Variants in PTER observed in about 807,000 individuals in gnomAD.
PTER encodes phosphotriesterase related.
A neutral mutation model predicts 29.6 loss-of-function variants in PTER; 38 were observed. That is an observed-to-expected ratio of 1.28 (90% CI 0.99 to 1.68). PTER has a LOEUF of 1.68. Ranked by LOEUF, PTER falls within the 40% of genes most tolerant of loss-of-function variation. The pLI is 0.00. For missense variants in PTER, 482 were observed against 427.8 expected, an observed-to-expected ratio of 1.13 and a Z score of -1.12; for synonymous variants, 172 against 154.5, an observed-to-expected ratio of 1.11 and a Z score of -0.84.
At chr10:16,490,696 C>T (rs1403277155) in intron 3 of PTER, among the ~76,000 whole-genome samples, 1 of 150,414 alleles carries the variant, frequency 6.6e-6, no homozygotes, top group Admixed American at 6.7e-5. Context: ...TTTCTGTGAA[C>T]ATCTAGTCTG....
intron 2 of PTER, among the ~76,000 whole-genome samples, chr10:16,486,121 T>A (rs549325979): frequency 6.6e-6 from 1 of 152,300 alleles, no homozygotes; most frequent in African/African-American, 2.4e-5. Context: ...ATAAATTTCT[T>A]GTTAAATAAT....
At position 16,486,487 on chromosome 10, in the gene PTER, G is replaced by T. The variant is rs1210097897; in HGVS notation, c.568G>T (p.Ala190Ser). 6.2e-7 allele frequency: 1 copy of T among 1,614,044 alleles called. No homozygotes were observed. The highest frequency in any genetic ancestry group is 1.1e-5 in the South Asian group (1 of 91,082). Reference sequence around the variant, plus strand: ...AAAGGTTCTCCAGGCCACAGCTCATGCCCAGGCTCAGCTTGGTTGTCCTGT... The same window carrying T: ...AAAGGTTCTCCAGGCCACAGCTCATTCCCAGGCTCAGCTTGGTTGTCCTGT... ...ERKVLQATAHAQAQLGCPVII... is the reference protein window; with the variant it reads ...ERKVLQATAHSQAQLGCPVII... The change falls in exon 3 of 5, where the codon GCC becomes TCC. Residue 190 changes from alanine (A) to serine (S), a missense_variant. Coordinates refer to ENST00000535784, the MANE Select transcript of PTER (RefSeq NM_001261836.2).
At chr10:16,475,674 T>C (rs1564396555) in intron 1 of PTER, among the ~76,000 whole-genome samples, 3 of 152,180 alleles carry the variant, frequency 2.0e-5, no homozygotes, top group Admixed American at 2.0e-4. Flanking sequence ...TAACCCACTG[T>C]AGGAAGCACA....
At chr10:16,474,962 T>C (rs941923276) in intron 1 of PTER, among the ~76,000 whole-genome samples, 3 of 152,156 alleles carry the variant, frequency 2.0e-5, no homozygotes, top group Non-Finnish European at 2.9e-5. Context: ...CCTGGCAGAT[T>C]TGGTGTCTGG....
rs192156844 is a variant in PTER, at chr10:16,471,451, A to G, written c.-48-12886A>G. On this transcript the variant is annotated intron_variant, in intron 1 of 4. Coordinates refer to ENST00000535784, the MANE Select transcript of PTER (RefSeq NM_001261836.2). ...AACATTAAAAACTGGAAAATACATTAAATTGTAATGAAGGAAAAAAAATGG... is the reference window on the plus strand; with the variant it reads ...AACATTAAAAACTGGAAAATACATTGAATTGTAATGAAGGAAAAAAAATGG... Among the ~76,000 whole-genome samples the G allele has an allele frequency of 7.9e-5, 12 of 151,798 alleles. No individual in the cohort carries two copies. In the East Asian group the frequency reaches 2.1e-3, roughly 27 times the overall value.
chr10:16,517,965 C>T (rs1371237770), downstream of PTER, among the ~76,000 whole-genome samples: 3 of 152,134 alleles, frequency 2.0e-5, no homozygotes, highest in African/African-American at 7.2e-5. Context: ...TGGTTACAGT[C>T]CAGAAGCATT....
chr10:16,506,030 G>A (rs1836547594), intron 4 of PTER, among the ~76,000 whole-genome samples: 1 of 152,088 alleles, frequency 6.6e-6, no homozygotes, highest in African/African-American at 2.4e-5. Flanking sequence ...TTTTCAAAGT[G>A]ATAACATGAG....
chr10:16,444,838 GT>G (rs1016093262), intron 1 of PTER, among the ~76,000 whole-genome samples: 8 of 151,968 alleles, frequency 5.3e-5, no homozygotes, highest in African/African-American at 1.7e-4. Context: ...GAATAATAGG[GT>G]TTTTTTTAAT....
chr10:16,470,525 T>C (rs1040115044), intron 1 of PTER, among the ~76,000 whole-genome samples: 2 of 152,232 alleles, frequency 1.3e-5, no homozygotes, highest in Non-Finnish European at 2.9e-5. Flanking sequence ...CCCAGCACTT[T>C]GGGAGATCGA....
At chr10:16,507,628 T>C (rs11254040) in intron 4 of PTER, among the ~76,000 whole-genome samples, 46,415 of 152,076 alleles carry the variant, frequency 0.31, 7,150 homozygotes, top group South Asian at 0.38. Flanking sequence ...GCATTCTGCC[T>C]TGATCACCTC....
intron 1 of PTER, among the ~76,000 whole-genome samples, chr10:16,482,788 AT>A (rs112171466): frequency 1.2e-3 from 183 of 149,050 alleles, no homozygotes; most frequent in African/African-American, 4.0e-3. Context: ...TGTACTTAAA[AT>A]TTTTTTTTTT....
At chr10:16,472,817 A>G (rs1474147789) in intron 1 of PTER, among the ~76,000 whole-genome samples, 1 of 152,212 alleles carries the variant, frequency 6.6e-6, no homozygotes, top group Non-Finnish European at 1.5e-5. Flanking sequence ...AATAAAATAC[A>G]CTGTGCTTCA....
At chr10:16,494,905 T>C (rs187592884) in intron 3 of PTER, among the ~76,000 whole-genome samples, 137 of 152,288 alleles carry the variant, frequency 9.0e-4, no homozygotes, top group African/African-American at 3.2e-3. Context: ...GTTTTAAAAT[T>C]ATGTTAATAT....
At chr10:16,453,165 C>G (rs1834275488) in intron 1 of PTER, among the ~76,000 whole-genome samples, 1 of 152,170 alleles carries the variant, frequency 6.6e-6, no homozygotes, top group African/African-American at 2.4e-5. Flanking sequence ...ATTCTTCGGC[C>G]TCAGCCTTCC....
At chr10:16,462,340 T>G (rs1395936426) in intron 1 of PTER, among the ~76,000 whole-genome samples, 1 of 152,162 alleles carries the variant, frequency 6.6e-6, no homozygotes, top group Non-Finnish European at 1.5e-5. Flanking sequence ...GGATAATCTG[T>G]CAAAGTGGTT....
At chr10:16,447,413 T>C (rs1247986954) in intron 1 of PTER, among the ~76,000 whole-genome samples, 1 of 152,140 alleles carries the variant, frequency 6.6e-6, no homozygotes, top group African/African-American at 2.4e-5. Context: ...TAAAATATTT[T>C]TTATGTGGAA....
chr10:16,480,225 TG>T (rs1265169561), intron 1 of PTER, among the ~76,000 whole-genome samples: 1 of 149,678 alleles, frequency 6.7e-6, no homozygotes, highest in Non-Finnish European at 1.5e-5. Context: ...AGTCTCGCTC[TG>T]TTGTCCAGGC....
rs1218799973 is a variant in PTER, at chr10:16,438,726, G to C, written c.-49+1679G>C. 5.3e-5 allele frequency among the ~76,000 whole-genome samples: 8 copies of C among 151,212 alleles called. No individual in the cohort carries two copies. The South Asian group carries it at 8.4e-4, about 16-fold the overall frequency. ...GTGGATCACTTGAGGCCAGGAGTTC[G>C]AGACCAGCCTGGCCAACATGTGAAA... On this transcript the variant is annotated intron_variant, in intron 1 of 4. Transcript: ENST00000535784.
At chr10:16,501,237 T>G (rs1246350084) in intron 3 of PTER, among the ~76,000 whole-genome samples, 5 of 152,068 alleles carry the variant, frequency 3.3e-5, no homozygotes, top group African/African-American at 1.2e-4. Context: ...AGCCAATATT[T>G]GTAATATTCA....
Sources: gnomAD v4.1 joint callset for allele counts (sites outside exome capture counted in the v4.1 genomes callset) on GRCh38, gnomAD v4.1.1 for gene constraint, MANE v1.5 for transcripts, NCBI Gene and HGNC (gene_info 2026-07-23, HGNC 2026-07-21) for gene names.